Variants in KIAA1549 observed in about 807,000 individuals in gnomAD.
KIAA1549 encodes KIAA1549.
A neutral mutation model predicts 156.4 loss-of-function variants in KIAA1549; 70 were observed. That is an observed-to-expected ratio of 0.45 (90% CI 0.37 to 0.55). The LOEUF is 0.55. Among genes scored for constraint, KIAA1549 ranks in the 20% least tolerant of loss-of-function variants. KIAA1549 has a pLI of 0.00. For synonymous variants in KIAA1549, 1,103 were observed against 1,066.4 expected (o/e 1.03, Z -0.67); for missense variants, 2,428 against 2,540.9 (o/e 0.96, Z 0.96).
intron 1 of KIAA1549, among the ~76,000 whole-genome samples, chr7:138,950,141 A>G (rs778219312): frequency 6.6e-6 from 1 of 152,204 alleles, no homozygotes; most frequent in Non-Finnish European, 1.5e-5. Flanking sequence ...TCTGAAGGGC[A>G]GGTCATGTTC....
intron 4 of KIAA1549, among the ~76,000 whole-genome samples, chr7:138,910,687 C>T (rs886869672): frequency 2.0e-5 from 3 of 149,426 alleles, no homozygotes; most frequent in African/African-American, 5.0e-5. Flanking sequence ...CATGAGCCAT[C>T]GCACTTGGTC....
chr7:138,966,080 T>C (rs1438149748), intron 1 of KIAA1549, among the ~76,000 whole-genome samples: 1 of 152,158 alleles, frequency 6.6e-6, no homozygotes, highest in Non-Finnish European at 1.5e-5. Context: ...CCTTGCCTCT[T>C]TCAAATGTTA....
Position 138,868,109 on chromosome 7 carries a change from G to A in KIAA1549, c.4795C>T (p.Pro1599Ser), listed in dbSNP as rs772402416. 6.2e-6 allele frequency: 10 copies of A among 1,613,452 alleles called. No homozygotes were observed. The highest frequency in any genetic ancestry group is 1.3e-5 in the African/African-American group (1 of 74,912). The change falls in exon 15 of 20, where the codon CCC becomes TCC. Residue 1599 changes from proline to serine, a missense_variant. Physicochemically the swap from Pro to Ser is moderately conservative, Grantham distance 74. This residue lies in a region of KIAA1549 where 404 missense variants were observed against 417.0 expected (regional missense o/e 0.97). Transcript: ENST00000422774. The stretch of plus-strand genomic sequence containing the variant: ...ACCTGGTGTTTCCGGCGAGGCTTGG[G>A]AGAACGTTTTATCCGTGAGCTGCCA... The part of the protein sequence containing the change: ...PRKSSRIKRS[P>S]KPRRKHQVNG...
In KIAA1549 at chr7:138,888,344, C is replaced by T. The variant is rs560063325; in HGVS notation, c.4032+5998G>A. Reference sequence around the variant, plus strand: ...ATACTTTCCCGCACAATTACTCAGACTTGCAGGATACTTTCGTTCACTTCT... The same window carrying T: ...ATACTTTCCCGCACAATTACTCAGATTTGCAGGATACTTTCGTTCACTTCT... On this transcript the variant is annotated intron_variant, in intron 10 of 19. Transcript: ENST00000422774. 2.2e-4 allele frequency among the ~76,000 whole-genome samples: 34 copies of T among 152,346 alleles called. No individual in the cohort carries two copies. In the South Asian group the frequency reaches 6.4e-3, roughly 29 times the overall value.
rs183979351 is a variant in KIAA1549, at chr7:138,841,063, G to A, written c.5453-785C>T. Among the ~76,000 whole-genome samples the A allele has an allele frequency of 5.3e-3, 801 of 152,198 alleles. 4 individuals are homozygous for A. Among genetic ancestry groups the A allele is most frequent in the Middle Eastern group, 0.031 (9 of 294 alleles). ...CCTTATTTTCGTGGCTAGACATTAG[G>A]ACTGGGGATAAACGGTACCACAGAA... On this transcript the variant is annotated intron_variant, in intron 18 of 19. Transcript: ENST00000422774.
chr7:138,915,877 C>CG (rs1275997581), intron 2 of KIAA1549, among the ~76,000 whole-genome samples: 3 of 152,196 alleles, frequency 2.0e-5, no homozygotes, highest in African/African-American at 7.2e-5. Context: ...CCTGACCAAG[C>CG]GGGCCACCGT....
chr7:138,874,084 A>G (rs992966582), intron 12 of KIAA1549, among the ~76,000 whole-genome samples: 5 of 148,106 alleles, frequency 3.4e-5, no homozygotes, highest in Non-Finnish European at 6.0e-5. Context: ...TCTATATCAT[A>G]TATTAATAAA....
chr7:138,852,049 C>G (rs1350719918), intron 17 of KIAA1549, among the ~76,000 whole-genome samples, 174 bp downstream of exon 17: 1 of 152,238 alleles, frequency 6.6e-6, no homozygotes, highest in African/African-American at 2.4e-5. Flanking sequence ...CCTGTCATTA[C>G]TGGAACAGAA....
chr7:138,863,699 G>T (rs1373443542), intron 15 of KIAA1549, among the ~76,000 whole-genome samples: 1 of 152,200 alleles, frequency 6.6e-6, no homozygotes, highest in Non-Finnish European at 1.5e-5. Flanking sequence ...CTGCCGTGAA[G>T]CAGCGACTGC....
rs770882022 is a variant in KIAA1549 at position 138,852,273 on chromosome 7, G to A, written c.5248-4C>T. ...TCATTCCATAGTCTTCGTATCTCTG[G>A]AAGACATACAAAAGAACATGAAGAT... On this transcript the variant is annotated splice_region_variant and splice_polypyrimidine_tract_variant and intron_variant, in intron 16 of 19. Coordinates refer to ENST00000422774, the MANE Select transcript of KIAA1549 (RefSeq NM_001164665.2). 3.8e-6 allele frequency: 6 copies of A among 1,598,808 alleles called. No homozygotes were observed. Among genetic ancestry groups the A allele is most frequent in the Non-Finnish European group, 5.1e-6 (6 of 1,170,196 alleles).
intron 1 of KIAA1549, among the ~76,000 whole-genome samples, chr7:138,976,126 G>A (rs534359839): frequency 1.1e-4 from 16 of 152,074 alleles, no homozygotes; most frequent in South Asian, 4.2e-4. Context: ...ACCCAGGCTG[G>A]AGTGCAGTGG....
At chr7:138,859,542 T>C (rs1401567674) in intron 16 of KIAA1549, among the ~76,000 whole-genome samples, 2 of 152,070 alleles carry the variant, frequency 1.3e-5, no homozygotes, top group Non-Finnish European at 2.9e-5. Context: ...ATCTCTCTGC[T>C]CTCCTGCACG....
At chr7:138,949,094 T>A (rs1438423234) in intron 1 of KIAA1549, among the ~76,000 whole-genome samples, 2 of 152,216 alleles carry the variant, frequency 1.3e-5, no homozygotes, top group African/African-American at 4.8e-5. Flanking sequence ...TGCTTGTGTT[T>A]GCACTGTTAA....
chr7:138,869,446 T>C, intron 14 of KIAA1549, 92 bp downstream of exon 14: 1 of 979,298 alleles, frequency 1.0e-6, no homozygotes, highest in South Asian at 1.5e-5. Context: ...TCACAGGCCC[T>C]GCAGTAGCAG....
intron 1 of KIAA1549, among the ~76,000 whole-genome samples, chr7:138,967,650 C>T (rs1814070535): frequency 6.6e-6 from 1 of 152,138 alleles, no homozygotes; most frequent in Non-Finnish European, 1.5e-5. Flanking sequence ...GCCGCCTTCC[C>T]CAGCCCAGTC....
intron 5 of KIAA1549, 125 bp from the exon 6 acceptor site, chr7:138,907,227 G>C (rs537243673): frequency 1.2e-5 from 9 of 730,314 alleles, no homozygotes. Context: ...TAAAGGAAAC[G>C]TAACTGGCTT....
rs1054232885 is a variant in KIAA1549, at chr7:138,918,753, C to T, written c.873G>A (p.Gln291=). 1 of 1,613,898 alleles carries T rather than the reference C, an allele frequency of 6.2e-7. No homozygotes were observed. Among genetic ancestry groups the T allele is most frequent in the African/African-American group, 1.3e-5 (1 of 75,038 alleles). Residue 291 remains glutamine, a synonymous_variant, in exon 2 of 20, where the codon CAG becomes CAA. Transcript: ENST00000422774. The surrounding 1 kb of genome is among the most constrained non-coding windows in gnomAD (Gnocchi z 4.2). ...LFLSSRSLMP[Q]PLGDGITIPL... ...GTATAGTAATGCCGTCGCCTAACGG[C>T]TGTGGCATTAAAGACCGGGAGCTTA...
At chr7:138,927,470 T>G (rs1309394496) in intron 1 of KIAA1549, among the ~76,000 whole-genome samples, 1 of 152,178 alleles carries the variant, frequency 6.6e-6, no homozygotes, top group Non-Finnish European at 1.5e-5. Flanking sequence ...AAACCCTGTC[T>G]CTACTAAAAA....
intron 13 of KIAA1549, 51 bp downstream of exon 13, chr7:138,871,106 C>G: frequency 6.4e-7 from 1 of 1,552,968 alleles, no homozygotes; most frequent in Non-Finnish European, 8.7e-7. Context: ...CATAAGCCAC[C>G]GGGCTTAGCC....
Sources: gnomAD v4.1 joint callset for allele counts (sites outside exome capture counted in the v4.1 genomes callset) on GRCh38, gnomAD v4.1.1 for gene constraint, gnomAD v4.1.1 regional missense constraint, Gnocchi (gnomAD v3.1) non-coding constraint, MANE v1.5 for transcripts, NCBI Gene and HGNC (gene_info 2026-07-23, HGNC 2026-07-21) for gene names.